EDIL3: variants seen among roughly 807,000 people sequenced by gnomAD.
EDIL3 encodes EGF-like repeat and discoidin I-like domain-containing protein 3.
A neutral mutation model predicts 67.4 loss-of-function variants in EDIL3; 37 were observed. That is an observed-to-expected ratio of 0.55 (90% CI 0.42 to 0.72). EDIL3 has a LOEUF of 0.72. Among genes scored for constraint, EDIL3 ranks in the 30% least tolerant of loss-of-function variants. The pLI is 0.00. For missense variants in EDIL3, 527 were observed against 586.3 expected (o/e 0.90, Z 1.04); for synonymous variants, 195 against 196.3 (o/e 0.99, Z 0.05).
chr5:84,344,413 A>C (rs1747195055), intron 1 of EDIL3, among the ~76,000 whole-genome samples: 1 of 152,112 alleles, frequency 6.6e-6, no homozygotes, highest in Admixed American at 6.6e-5. Flanking sequence ...GAAGAACTAA[A>C]ATTGTATTTT....
intron 3 of EDIL3, among the ~76,000 whole-genome samples, chr5:84,182,223 T>C (rs1048934708): frequency 5.3e-5 from 8 of 150,420 alleles, no homozygotes; most frequent in African/African-American, 1.5e-4. Flanking sequence ...GCCCAGGAGT[T>C]CGAGACAAGC....
At chr5:84,041,551 T>TAC (rs1257434325) in intron 9 of EDIL3, among the ~76,000 whole-genome samples, 3 of 147,700 alleles carry the variant, frequency 2.0e-5, no homozygotes, top group Non-Finnish European at 4.5e-5. Flanking sequence ...TGTGTGCATA[T>TAC]ATATATACAT....
At chr5:84,346,855 C>T (rs1276376916) in intron 1 of EDIL3, among the ~76,000 whole-genome samples, 2 of 152,178 alleles carry the variant, frequency 1.3e-5, no homozygotes, top group East Asian at 3.8e-4. Context: ...GAATGTCCAA[C>T]ACAGAACCAA....
chr5:84,030,799 G>A (rs1745905589), intron 9 of EDIL3, among the ~76,000 whole-genome samples: 1 of 152,072 alleles, frequency 6.6e-6, no homozygotes, highest in African/African-American at 2.4e-5. Context: ...AACCTTGACC[G>A]TTTTCAGATT....
intron 1 of EDIL3, among the ~76,000 whole-genome samples, chr5:84,285,494 T>A (rs1334028543): frequency 6.6e-6 from 1 of 152,204 alleles, no homozygotes; most frequent in Non-Finnish European, 1.5e-5. Flanking sequence ...TAGCACGGTG[T>A]CTGGCACGTA....
intron 9 of EDIL3, among the ~76,000 whole-genome samples, chr5:83,983,131 T>G (rs1744999343): frequency 6.6e-6 from 1 of 152,170 alleles, no homozygotes; most frequent in East Asian, 1.9e-4. Context: ...TTAGTCAGGT[T>G]CTAGAACCTT....
intron 9 of EDIL3, among the ~76,000 whole-genome samples, chr5:83,989,280 G>A (rs1187912816): frequency 2.0e-5 from 3 of 152,114 alleles, no homozygotes; most frequent in Middle Eastern, 3.2e-3. Flanking sequence ...ATTAGATAAA[G>A]GTCTGGAATC....
At chr5:84,199,697 C>T (rs1168339036) in intron 3 of EDIL3, among the ~76,000 whole-genome samples, 1 of 151,968 alleles carries the variant, frequency 6.6e-6, no homozygotes, top group Non-Finnish European at 1.5e-5. Flanking sequence ...CTTATTTCTT[C>T]CAGGTAGTCT....
At chr5:84,311,302 A>C (rs1052448534) in intron 1 of EDIL3, among the ~76,000 whole-genome samples, 1 of 149,472 alleles carries the variant, frequency 6.7e-6, no homozygotes, top group Non-Finnish European at 1.5e-5. Context: ...CCCACTATTC[A>C]ATGTATTTTC....
intron 1 of EDIL3, among the ~76,000 whole-genome samples, chr5:84,336,407 G>A (rs542311477): frequency 2.0e-5 from 3 of 152,256 alleles, no homozygotes; most frequent in South Asian, 4.1e-4. Flanking sequence ...AAGTCGAGGG[G>A]ATATCTGCAG....
chr5:84,176,595 C>G (rs1748920263), intron 4 of EDIL3, among the ~76,000 whole-genome samples: 1 of 151,592 alleles, frequency 6.6e-6, no homozygotes, highest in Non-Finnish European at 1.5e-5. Flanking sequence ...TGTTACCAGG[C>G]AATACATAAA....
chr5:84,113,873 T>C (rs1747617024), intron 5 of EDIL3, among the ~76,000 whole-genome samples: 1 of 152,202 alleles, frequency 6.6e-6, no homozygotes, highest in Admixed American at 6.5e-5. Context: ...CATCTCATCT[T>C]ATACGAGTGA....
At chr5:83,964,905 G>A (rs187918706) in intron 9 of EDIL3, among the ~76,000 whole-genome samples, 97 of 152,118 alleles carry the variant, frequency 6.4e-4, no homozygotes, top group Admixed American at 2.2e-3. Context: ...GAAGGAAATG[G>A]TTGCTGTCTC....
In EDIL3 at chr5:84,130,963, T is replaced by G. The variant is rs1747954169; in HGVS notation, c.469+6278A>C. Among the ~76,000 whole-genome samples the G allele has an allele frequency of 2.0e-5, 3 of 152,166 alleles. No homozygotes were observed. In the South Asian group the frequency reaches 6.2e-4, roughly 31 times the overall value. On this transcript the variant is annotated intron_variant, in intron 5 of 10. Coordinates refer to ENST00000296591, the MANE Select transcript of EDIL3 (RefSeq NM_005711.5). Reference sequence around the variant, plus strand: ...ACTTATGTATCTGTAAAACATGGTATGTAGGCATTATACCTAACATCTACA... The same window carrying G: ...ACTTATGTATCTGTAAAACATGGTAGGTAGGCATTATACCTAACATCTACA...
intron 9 of EDIL3, among the ~76,000 whole-genome samples, chr5:84,028,478 T>C (rs1390237376): frequency 1.3e-5 from 2 of 152,194 alleles, no homozygotes; most frequent in African/African-American, 4.8e-5. Flanking sequence ...GTTAGTCATA[T>C]GGCCTTGAGC....
At chr5:84,173,847 C>T (rs1366631075) in intron 4 of EDIL3, among the ~76,000 whole-genome samples, 1 of 152,086 alleles carries the variant, frequency 6.6e-6, no homozygotes, top group Non-Finnish European at 1.5e-5. Context: ...GCAGGGCACT[C>T]CTCCGGGAAT....
At chr5:84,023,451 G>C (rs1745753883) in intron 9 of EDIL3, among the ~76,000 whole-genome samples, 1 of 151,870 alleles carries the variant, frequency 6.6e-6, no homozygotes, top group African/African-American at 2.4e-5. Flanking sequence ...ATAGATATTG[G>C]ACAGCACAAA....
intron 9 of EDIL3, among the ~76,000 whole-genome samples, chr5:84,016,400 T>G (rs761985382): frequency 9.2e-5 from 14 of 152,162 alleles, no homozygotes; most frequent in East Asian, 1.9e-4. Context: ...TTGATCCCAG[T>G]GTTGCAAAAA....
At chr5:84,053,778 T>C (rs1196974094) in intron 9 of EDIL3, among the ~76,000 whole-genome samples, 3 of 152,178 alleles carry the variant, frequency 2.0e-5, no homozygotes, top group Admixed American at 1.3e-4. Context: ...AATCTCTGAA[T>C]AGAACAATAA....
Sources: allele counts gnomAD v4.1 joint callset (sites outside exome capture counted in the v4.1 genomes callset), GRCh38; gene constraint gnomAD v4.1.1; transcripts MANE v1.5; gene names NCBI Gene and HGNC (gene_info 2026-07-23, HGNC 2026-07-21).